NRCAM: variants seen among roughly 807,000 people sequenced by gnomAD.
NRCAM encodes neuronal cell adhesion molecule, also known as NgCAM-related cell adhesion molecule.
A neutral mutation model predicts 156.5 loss-of-function variants in NRCAM; 83 were observed. The ratio of observed to expected loss-of-function variants is 0.53; its 90% CI spans 0.44 to 0.64. The LOEUF is 0.64. NRCAM is among the 30% of genes least tolerant of loss of function. The pLI is 0.00. For synonymous variants in NRCAM, 538 were observed against 563.9 expected (o/e 0.95, Z 0.65); for missense variants, 1,417 against 1,597.3 (o/e 0.89, Z 1.92).
In NRCAM at chr7:108,352,932, T is replaced by C. The variant is rs192864507; in HGVS notation, c.-173-40201A>G. Among the ~76,000 whole-genome samples the C allele has an allele frequency of 3.6e-3, 554 of 152,176 alleles. 3 individuals are homozygous for C. Among genetic ancestry groups the C allele is most frequent in the Non-Finnish European group, 5.5e-3 (374 of 68,006 alleles). On this transcript the variant is annotated intron_variant, in intron 2 of 32. Coordinates refer to ENST00000379028, the MANE Select transcript of NRCAM (RefSeq NM_001037132.4). ...ATCAGTAAATCTCATTGATTATGCC[T>C]CAAAATATATTCCAAACCTATTCAT...
chr7:108,159,222 T>C (rs202147453), intron 32 of NRCAM: 17 of 674,312 alleles, frequency 2.5e-5, no homozygotes, highest in South Asian at 5.5e-5. Context: ...ATGGAAAATA[T>C]GACAAAGTGG....
intron 3 of NRCAM, among the ~76,000 whole-genome samples, chr7:108,262,025 C>T (rs892864414): frequency 7.2e-5 from 11 of 152,148 alleles, no homozygotes; most frequent in Non-Finnish European, 1.5e-4. Flanking sequence ...TTGGCTCCTC[C>T]CCTCACTTTC....
chr7:108,320,165 CTT>C (rs2098983593), intron 2 of NRCAM, among the ~76,000 whole-genome samples: 1 of 152,118 alleles, frequency 6.6e-6, no homozygotes, highest in Admixed American at 6.6e-5. Context: ...AACATAGTCT[CTT>C]GGGCCAGGAA....
At chr7:108,249,107 CA>C (rs2096170256) in intron 3 of NRCAM, among the ~76,000 whole-genome samples, 1 of 152,124 alleles carries the variant, frequency 6.6e-6, no homozygotes, top group Non-Finnish European at 1.5e-5. Context: ...GTTGGGGAGG[CA>C]AAAGGCTCAG....
At position 108,247,616 on chromosome 7, in the gene NRCAM, T is replaced by C. The variant is rs73725401; in HGVS notation, c.-106-7446A>G. Among the ~76,000 whole-genome samples, 135 of 146,610 alleles carry C rather than the reference T, an allele frequency of 9.2e-4. 1 individual carries two copies. The highest frequency in any genetic ancestry group is 3.2e-3 in the African/African-American group (125 of 38,594). Reference sequence around the variant, plus strand: ...CATAAATTTGTTTATGCTAAATTATTTTAGCATAATTGTAAATTATGCCTA... The same window carrying C: ...CATAAATTTGTTTATGCTAAATTATCTTAGCATAATTGTAAATTATGCCTA... On this transcript the variant is annotated intron_variant, in intron 3 of 32. Transcript: ENST00000379028.
chr7:108,401,617 A>G (rs2099793059), intron 1 of NRCAM, among the ~76,000 whole-genome samples: 1 of 152,210 alleles, frequency 6.6e-6, no homozygotes, highest in Non-Finnish European at 1.5e-5. Flanking sequence ...ACACTGTGCC[A>G]AGAAGTGCTT....
At chr7:108,384,548 T>G (rs2099730384) in intron 2 of NRCAM, among the ~76,000 whole-genome samples, 1 of 152,202 alleles carries the variant, frequency 6.6e-6, no homozygotes, top group Non-Finnish European at 1.5e-5. Flanking sequence ...CAGAGGAGAT[T>G]TGAAGGCAGT....
chr7:108,194,097 C>T lies in NRCAM; in HGVS notation c.1705G>A (p.Val569Met), dbSNP rs1334138257. 6.2e-7 allele frequency: 1 copy of T among 1,614,188 alleles called. No homozygotes were observed. The highest frequency in any genetic ancestry group is 8.5e-7 in the Non-Finnish European group (1 of 1,179,994). The change falls in exon 17 of 33, where the codon GTG becomes ATG. Residue 569 changes from valine (V) to methionine (M), a missense_variant. By Grantham distance (21) the Val-to-Met change is conservative. This residue lies in a region of NRCAM where 1,238 missense variants were observed against 1,336.4 expected (regional missense o/e 0.93). Transcript: ENST00000379028. ...AGGGATAAGGTGTGATCATGTTTCA[C>T]TTTGCATTCAAAGGACACCATGCTC... ...RGSMVSFECK[V>M]KHDHTLSLTV... is the part of the protein sequence containing the mutation.
At chr7:108,270,368 T>C (rs2097297949) in intron 3 of NRCAM, among the ~76,000 whole-genome samples, 1 of 152,202 alleles carries the variant, frequency 6.6e-6, no homozygotes, top group African/African-American at 2.4e-5. Flanking sequence ...TCCCTTCTTG[T>C]GGAGGCTTAA....
intron 2 of NRCAM, among the ~76,000 whole-genome samples, chr7:108,378,104 G>A (rs1365378487): frequency 1.3e-5 from 2 of 152,066 alleles, no homozygotes; most frequent in African/African-American, 4.8e-5. Context: ...TGAATTACAT[G>A]AAAAAGACAT....
At chr7:108,155,127 CACACACACACACACACAT>C (rs1418485386) in intron 32 of NRCAM, among the ~76,000 whole-genome samples, 4 of 147,800 alleles carry the variant, frequency 2.7e-5, no homozygotes, top group African/African-American at 1.0e-4. Context: ...CACACACACA[CACACACACACACACACAT>C]ATAGCAGACC....
chr7:108,295,441 T>C (rs374019194), intron 3 of NRCAM, among the ~76,000 whole-genome samples: 11 of 152,364 alleles, frequency 7.2e-5, no homozygotes, highest in African/African-American at 2.6e-4. Flanking sequence ...GCAGATTCCA[T>C]GTCTGATGAA....
chr7:108,357,891 T>G (rs755382669), intron 2 of NRCAM, among the ~76,000 whole-genome samples: 2 of 152,178 alleles, frequency 1.3e-5, no homozygotes, highest in East Asian at 1.9e-4. Context: ...GCTAAAAACA[T>G]TACTCCTTTG....
intron 3 of NRCAM, among the ~76,000 whole-genome samples, chr7:108,257,005 GAA>G (rs777855116): frequency 1.0e-4 from 5 of 49,998 alleles, no homozygotes; most frequent in Admixed American, 3.0e-4. Context: ...GAAGACTGTC[GAA>G]AAAAAAAAAA....
intron 1 of NRCAM, among the ~76,000 whole-genome samples, chr7:108,401,213 G>A (rs1563640560): frequency 6.6e-6 from 1 of 152,068 alleles, no homozygotes; most frequent in Non-Finnish European, 1.5e-5. Context: ...GCACCAGCCT[G>A]GGCGACAGAG....
intron 2 of NRCAM, among the ~76,000 whole-genome samples, chr7:108,382,852 A>C (rs2099707816): frequency 6.6e-6 from 1 of 152,138 alleles, no homozygotes; most frequent in South Asian, 2.1e-4. Context: ...TTCTAGGAAA[A>C]CAACCAGAAA....
chr7:108,166,897 G>A, intron 30 of NRCAM, 24 bp downstream of exon 30: 1 of 1,611,964 alleles, frequency 6.2e-7, no homozygotes, highest in Non-Finnish European at 8.5e-7. Context: ...GCGGGAGCCA[G>A]AACAGGTGTG....
In NRCAM at chr7:108,376,099, C is replaced by T. The variant is rs117602102; in HGVS notation, c.-174+23337G>A. 5.1e-3 allele frequency among the ~76,000 whole-genome samples: 779 copies of T among 152,318 alleles called. 3 individuals carry two copies. The highest frequency in any genetic ancestry group is 7.5e-3 in the Non-Finnish European group (507 of 68,034). ...TGGTTTCTAAGCACATCACAAATTT[C>T]TTTCTGGGAGTTACTTCAACTTTGG... On this transcript the variant is annotated intron_variant, in intron 2 of 32. Coordinates refer to ENST00000379028, the MANE Select transcript of NRCAM (RefSeq NM_001037132.4).
rs117426745 is a variant in NRCAM, at chr7:108,265,482, G to A, written c.-106-25312C>T. ...TCCATGTCTTTCTCCATCATCTCCT[G>A]GGAACCAGTTTCACACCTGACCTCT... On this transcript the variant is annotated intron_variant, in intron 3 of 32. Transcript: ENST00000379028. Among the ~76,000 whole-genome samples, 20 of 152,204 alleles carry A rather than the reference G, an allele frequency of 1.3e-4. No individual in the cohort carries two copies. In the East Asian group the frequency reaches 3.9e-3, roughly 29 times the overall value.
Sources: gnomAD v4.1 joint callset for allele counts (sites outside exome capture counted in the v4.1 genomes callset) on GRCh38, gnomAD v4.1.1 for gene constraint, gnomAD v4.1.1 regional missense constraint, MANE v1.5 for transcripts, NCBI Gene and HGNC (gene_info 2026-07-23, HGNC 2026-07-21) for gene names.